The following MME variants were observed in gnomAD, a reference collection of about 807,000 sequenced individuals.
MME encodes the protein membrane metalloendopeptidase.
Under a neutral mutation model 113.2 loss-of-function variants are expected in MME, and 98 were observed. The observed-to-expected ratio is 0.87, with a 90% CI of 0.74 to 1.02. MME has a LOEUF of 1.02. Ranked by LOEUF, MME falls within the 50% of genes least tolerant of loss-of-function variation. The pLI is 0.00. For missense variants in MME, 836 were observed against 896.0 expected (o/e 0.93, Z 0.86); for synonymous variants, 292 against 300.6 (o/e 0.97, Z 0.30).
chr3:155,046,819 TA>T (rs1713577367), intron 1 of MME, among the ~76,000 whole-genome samples: 1 of 152,192 alleles, frequency 6.6e-6, no homozygotes, highest in Non-Finnish European at 1.5e-5. Flanking sequence ...AAAGTAAAAA[TA>T]AGTAAACAGT....
intron 7 of MME, among the ~76,000 whole-genome samples, chr3:155,117,220 C>G (rs1235212264): frequency 6.6e-6 from 1 of 152,172 alleles, no homozygotes; most frequent in East Asian, 1.9e-4. Context: ...TTAGATACCT[C>G]TCCCTTCACA....
chr3:155,124,707 G>GA (rs1719453501), intron 8 of MME, among the ~76,000 whole-genome samples: 1 of 151,594 alleles, frequency 6.6e-6, no homozygotes, highest in Non-Finnish European at 1.5e-5. Context: ...CCCTGCTGGG[G>GA]GGTGCCTCCC....
intron 1 of MME, among the ~76,000 whole-genome samples, chr3:155,050,821 G>A (rs1713736774): frequency 6.6e-6 from 1 of 150,604 alleles, no homozygotes; most frequent in South Asian, 2.1e-4. Context: ...CTGTGCAGAA[G>A]CTCTTTAGTT....
chr3:155,181,904 T>C lies in MME; in HGVS notation c.*1445T>C, dbSNP rs1287428244. 1.3e-5 allele frequency: 2 copies of C among 151,994 alleles called. No individual in the cohort carries two copies. Among genetic ancestry groups the C allele is most frequent in the Non-Finnish European group, 2.9e-5 (2 of 68,002 alleles). The allele number at this position is 151,994 out of a possible 1,614,324, so 9.4% of individuals were successfully genotyped here. On this transcript the variant is annotated 3_prime_UTR_variant, in exon 23 of 23. Transcript: ENST00000360490. The stretch of plus-strand genomic sequence containing the variant: ...TATTAGTTCCCTGTCTCTTGAAAAA[T>C]GCCCATTTGCCTTTAAAAAAAAAAG...
At chr3:155,063,661 A>T (rs1020116712) in intron 1 of MME, among the ~76,000 whole-genome samples, 2 of 105,316 alleles carry the variant, frequency 1.9e-5, no homozygotes, top group Non-Finnish European at 3.6e-5. Context: ...TGATTATATA[A>T]CATATTATAT....
In MME at chr3:155,182,481, C is replaced by A. The variant is rs1051021601; in HGVS notation, c.*2022C>A. 1 of 152,170 alleles carries A rather than the reference C, an allele frequency of 6.6e-6. No homozygotes were observed. Among genetic ancestry groups the A allele is most frequent in the African/African-American group, 2.4e-5 (1 of 41,438 alleles). The allele number at this position is 152,170 out of a possible 1,614,324, so 9.4% of individuals were successfully genotyped here. A position where few individuals can be genotyped will look rare whatever the true frequency, so the allele number is the denominator to read the frequency against. ...TATAGTTTCAAGCCAACTGTGGATA[C>A]CCTTACCCTTTCCTCCTTTATCACA... On this transcript the variant is annotated 3_prime_UTR_variant, in exon 23 of 23. Transcript: ENST00000360490.
intron 1 of MME, among the ~76,000 whole-genome samples, chr3:155,036,519 T>A (rs915248395): frequency 6.6e-6 from 1 of 152,186 alleles, no homozygotes; most frequent in Non-Finnish European, 1.5e-5. Flanking sequence ...ATACATGTGA[T>A]CATACAGTAT....
chr3:155,076,563 A>G (rs1161326304), upstream of MME, among the ~76,000 whole-genome samples: 1 of 152,150 alleles, frequency 6.6e-6, no homozygotes, highest in Non-Finnish European at 1.5e-5. Context: ...GGGTTCTTGG[A>G]CCTCTTGCAA....
At chr3:155,043,677 T>C (rs189301186) in intron 1 of MME, among the ~76,000 whole-genome samples, 2 of 152,246 alleles carry the variant, frequency 1.3e-5, no homozygotes, top group Admixed American at 6.5e-5. Context: ...TCATAATATA[T>C]TAATTTCCCA....
At chr3:155,114,889 C>T (rs140246353) in intron 3 of MME, 105 bp from the exon 4 acceptor site, 12 of 1,168,190 alleles carry the variant, frequency 1.0e-5, no homozygotes, top group Admixed American at 5.2e-5. Flanking sequence ...ACGGAGCATC[C>T]GACAAATTGA....
chr3:155,109,618 A>G (rs960912201), intron 3 of MME, among the ~76,000 whole-genome samples: 1 of 152,142 alleles, frequency 6.6e-6, no homozygotes, highest in Non-Finnish European at 1.5e-5. Context: ...CCTCATTTCT[A>G]TGTTTCTCGA....
In MME at chr3:155,040,368, C is replaced by CTCA. The variant is rs558509801; in HGVS notation, c.-11+16044_-11+16045insTCA. 5.4e-3 allele frequency among the ~76,000 whole-genome samples: 818 copies of CTCA among 152,162 alleles called. 4 individuals are homozygous for CTCA. The highest frequency in any genetic ancestry group is 0.019 in the African/African-American group (791 of 41,510). ...TTTTCAAACATTCCTTGAAACAATACCACCCCAGGTGAGAACTGATGCCTG... is the reference window on the plus strand; with the variant it reads ...TTTTCAAACATTCCTTGAAACAATACTCACACCCCAGGTGAGAACTGATGCCTG... On this transcript the variant is annotated intron_variant, in intron 1 of 22. Coordinates refer to the MME transcript ENST00000492661.
At chr3:155,128,160 C>A (rs1165919092) in intron 8 of MME, among the ~76,000 whole-genome samples, 4 of 152,222 alleles carry the variant, frequency 2.6e-5, no homozygotes, top group Non-Finnish European at 4.4e-5. Context: ...TACATGTCAT[C>A]CCAGAAATGG....
intron 1 of MME, among the ~76,000 whole-genome samples, chr3:155,067,300 C>CTTTTTTTT (rs576443367): frequency 6.5e-5 from 6 of 92,076 alleles, no homozygotes; most frequent in Non-Finnish European, 1.1e-4. Context: ...ATTTATTTTC[C>CTTTTTTTT]TTTTTTTTTT....
intron 3 of MME, among the ~76,000 whole-genome samples, chr3:155,086,381 T>A (rs1342689367): frequency 6.6e-6 from 1 of 152,082 alleles, no homozygotes; most frequent in Non-Finnish European, 1.5e-5. Flanking sequence ...AAGGTAGAGA[T>A]GAGGTTTAAG....
In MME at chr3:155,180,654, G is replaced by A. The variant is rs1713004658; in HGVS notation, c.*195G>A. 1.7e-6 allele frequency: 1 copy of A among 591,906 alleles called. No individual in the cohort carries two copies. The highest frequency in any genetic ancestry group is 3.1e-6 in the Non-Finnish European group (1 of 324,878). The allele number at this position is 591,906 out of a possible 1,614,324, so 36.7% of individuals were successfully genotyped here. Reference sequence around the variant, plus strand: ...TGTGGAGGGAGGAAGGGGGTCTAAGGTCTATCAAGTCAATCATTTCTCACT... The same window carrying A: ...TGTGGAGGGAGGAAGGGGGTCTAAGATCTATCAAGTCAATCATTTCTCACT... On this transcript the variant is annotated 3_prime_UTR_variant, in exon 23 of 23. Transcript: ENST00000360490.
intron 3 of MME, among the ~76,000 whole-genome samples, chr3:155,097,990 C>T (rs144632178): frequency 6.6e-6 from 1 of 152,224 alleles, no homozygotes; most frequent in Admixed American, 6.5e-5. Flanking sequence ...GCTAAGGATA[C>T]TTAGCACCTA....
At chr3:155,179,076 G>A (rs1183212733) in intron 22 of MME, among the ~76,000 whole-genome samples, 1 of 152,150 alleles carries the variant, frequency 6.6e-6, no homozygotes, top group African/African-American at 2.4e-5. Context: ...CAAAGAAGGG[G>A]GCCAAGGAAG....
chr3:155,061,136 A>G (rs2108135571), intron 1 of MME, among the ~76,000 whole-genome samples: 1 of 152,322 alleles, frequency 6.6e-6, no homozygotes, highest in South Asian at 2.1e-4. Context: ...AATTGTATCA[A>G]GTTAAAAGCA....
Sources: allele counts gnomAD v4.1 joint callset (sites outside exome capture counted in the v4.1 genomes callset), GRCh38; gene constraint gnomAD v4.1.1; transcripts MANE v1.5; gene names NCBI Gene and HGNC (gene_info 2026-07-23, HGNC 2026-07-21).